The following FBLN1 variants were observed in gnomAD, a reference collection of about 807,000 sequenced individuals.
FBLN1 encodes the protein fibulin 1.
FBLN1 carries 34 observed loss-of-function variants against 89.7 expected under a neutral mutation model. The observed-to-expected ratio is 0.38, with a 90% CI of 0.29 to 0.50. FBLN1 has a LOEUF of 0.50. Among genes scored for constraint, FBLN1 ranks in the 20% least tolerant of loss-of-function variants. The pLI is 0.92. For synonymous variants in FBLN1, 393 were observed against 391.3 expected (o/e 1.00, Z -0.05); for missense variants, 777 against 988.1 (o/e 0.79, Z 2.86).
chr22:45,581,190 A>T lies in FBLN1; in HGVS notation c.1972+4082A>T, dbSNP rs5765491. The stretch of plus-strand genomic sequence containing the variant: ...GGGCTGTGTATCATCAGCGTGCGGA[A>T]GAGAGAGACAGAAAGGCAACTCGAG... On this transcript the variant is annotated intron_variant, in intron 16 of 16. Coordinates refer to ENST00000327858, the MANE Select transcript of FBLN1 (RefSeq NM_006486.3). This position sits in a 1 kb window ranked among gnomAD's most constrained non-coding sequence, Gnocchi z 7.6. Among the ~76,000 whole-genome samples, 102,699 of 151,942 alleles carry T rather than the reference A, an allele frequency of 0.68. 35,500 individuals carry two copies. The highest frequency in any genetic ancestry group is 0.8 in the African/African-American group (33,142 of 41,482).
At chr22:45,517,657 C>G (rs138989677) in intron 1 of FBLN1, 129 of 470,642 alleles carry the variant, frequency 2.7e-4, no homozygotes, top group African/African-American at 2.5e-3. Flanking sequence ...CCTCACCAGA[C>G]TTCTCACAGG....
chr22:45,558,148 C>T (rs954217355), intron 14 of FBLN1: 12 of 714,206 alleles, frequency 1.7e-5, no homozygotes, highest in South Asian at 4.5e-5. Flanking sequence ...GTGGAGACCA[C>T]GGGCATTTGA....
At chr22:45,518,173 T>G (rs146595940) in intron 1 of FBLN1, among the ~76,000 whole-genome samples, 388 of 152,088 alleles carry the variant, frequency 2.6e-3, no homozygotes, top group African/African-American at 9.0e-3. Context: ...TTTTCCTTCT[T>G]ACTTGACTCA....
In FBLN1 at chr22:45,575,674, C is replaced by T. The variant is rs1287893919; in HGVS notation, c.1840+1021C>T. On this transcript the variant is annotated intron_variant, in intron 15 of 16. Coordinates refer to ENST00000327858, the MANE Select transcript of FBLN1 (RefSeq NM_006486.3). This position sits in a 1 kb window ranked among gnomAD's most constrained non-coding sequence, Gnocchi z 6.3. Reference sequence around the variant, plus strand: ...GCCTGGCTCTCTAGGAAGCTCCTGGCATGCAGTGTAGTCATGTTGTGTAAC... The same window carrying T: ...GCCTGGCTCTCTAGGAAGCTCCTGGTATGCAGTGTAGTCATGTTGTGTAAC... 6.6e-6 allele frequency among the ~76,000 whole-genome samples: 1 copy of T among 152,164 alleles called. No individual in the cohort carries two copies. The highest frequency in any genetic ancestry group is 2.4e-5 in the African/African-American group (1 of 41,432).
At chr22:45,599,041 C>T (rs1004996129) in intron 16 of FBLN1, among the ~76,000 whole-genome samples, 2 of 152,186 alleles carry the variant, frequency 1.3e-5, no homozygotes, top group African/African-American at 4.8e-5. Flanking sequence ...ATGGAGATGG[C>T]GGGCCCAGGC....
Position 45,543,461 on chromosome 22 carries a change from T to C in FBLN1, c.1256T>C (p.Leu419Pro), listed in dbSNP as rs1193225656. ...TGTGGCCACAAGTGCGAGAACACGC[T>C]GGGCTCCTACCTCTGCAGCTGTTCC... ...RLCGHKCENT[L>P]GSYLCSCSVG... Residue 419 changes from leucine (L) to proline (P), a missense_variant, in exon 11 of 17, where the codon CTG (leucine) becomes CCG (proline). Transcript: ENST00000327858. 2 of 1,613,874 alleles carry C rather than the reference T, an allele frequency of 1.2e-6. No individual in the cohort carries two copies. The highest frequency in any genetic ancestry group is 2.7e-5 in the African/African-American group (2 of 75,024).
intron 4 of FBLN1, among the ~76,000 whole-genome samples, chr22:45,528,438 G>A (rs534844180): frequency 1.3e-5 from 2 of 152,042 alleles, no homozygotes; most frequent in South Asian, 2.1e-4. Context: ...TCCGCCTCCC[G>A]GGTTCAAGTG....
rs1378790775 is a variant in FBLN1 at position 45,535,195 on chromosome 22, A to G, written c.785-5A>G. On this transcript the variant is annotated splice_region_variant and splice_polypyrimidine_tract_variant and intron_variant, in intron 7 of 16. Coordinates refer to ENST00000327858, the MANE Select transcript of FBLN1 (RefSeq NM_006486.3). ...TAACAATTTCCTTTTTTTATGATGT[A>G]CCAGATATTGACGAGTGTGAGAGTG... 1 of 1,614,120 alleles carries G rather than the reference A, an allele frequency of 6.2e-7. No individual in the cohort carries two copies. The highest frequency in any genetic ancestry group is 1.1e-5 in the South Asian group (1 of 91,074).
rs923422213 is a variant in FBLN1, at chr22:45,581,618, C to G, written c.1972+4510C>G. On this transcript the variant is annotated intron_variant, in intron 16 of 16. Transcript: ENST00000327858. The surrounding 1 kb of genome is among the most constrained non-coding windows in gnomAD (Gnocchi z 7.6). ...GTGGACCTCCTGACCCTTGGGCCTCCCGGGTTGCAGGGAGCTACGGAGTTG... is the reference window on the plus strand; with the variant it reads ...GTGGACCTCCTGACCCTTGGGCCTCGCGGGTTGCAGGGAGCTACGGAGTTG... Among the ~76,000 whole-genome samples the G allele has an allele frequency of 7.9e-5, 12 of 152,122 alleles. No homozygotes were observed. The highest frequency in any genetic ancestry group is 1.6e-4 in the Non-Finnish European group (11 of 68,024).
rs1190400849 is a variant in FBLN1, at chr22:45,575,786, T to C, written c.1840+1133T>C. Among the ~76,000 whole-genome samples, 1 of 152,204 alleles carries C rather than the reference T, an allele frequency of 6.6e-6. No individual in the cohort carries two copies. The highest frequency in any genetic ancestry group is 2.4e-5 in the African/African-American group (1 of 41,444). On this transcript the variant is annotated intron_variant, in intron 15 of 16. Coordinates refer to ENST00000327858, the MANE Select transcript of FBLN1 (RefSeq NM_006486.3). The surrounding 1 kb of genome is among the most constrained non-coding windows in gnomAD (Gnocchi z 6.3). Reference sequence around the variant, plus strand: ...GAGGGCTATGGATGGAGCATTGTCCTGTTCACCTCGCTTCCTGGCTGTGCT... The same window carrying C: ...GAGGGCTATGGATGGAGCATTGTCCCGTTCACCTCGCTTCCTGGCTGTGCT...
At position 45,531,759 on chromosome 22, in the gene FBLN1, G is replaced by T. The variant is rs1371670853; in HGVS notation, c.544+435G>T. Among the ~76,000 whole-genome samples, 5 of 152,184 alleles carry T rather than the reference G, an allele frequency of 3.3e-5. No homozygotes were observed. The highest frequency in any genetic ancestry group is 5.9e-5 in the Non-Finnish European group (4 of 68,042). ...GGTGGGCTTACCAAGGAGGGGCCCT[G>T]GTGAGGCCCTGCTGGGGAGGGTGGC... On this transcript the variant is annotated intron_variant, in intron 5 of 16. Coordinates refer to ENST00000327858, the MANE Select transcript of FBLN1 (RefSeq NM_006486.3). The surrounding 1 kb of genome is among the most constrained non-coding windows in gnomAD (Gnocchi z 4.9).
rs74902829 is a variant in FBLN1, at chr22:45,588,912, T to C, written c.1973-11395T>C. Among the ~76,000 whole-genome samples the C allele has an allele frequency of 0.045, 6,889 of 151,610 alleles. 503 individuals carry two copies. The highest frequency in any genetic ancestry group is 0.16 in the African/African-American group (6,427 of 41,304). On this transcript the variant is annotated intron_variant, in intron 16 of 16. Coordinates refer to ENST00000327858, the MANE Select transcript of FBLN1 (RefSeq NM_006486.3). The surrounding 1 kb of genome is among the most constrained non-coding windows in gnomAD (Gnocchi z 5.1). Reference sequence around the variant, plus strand: ...AAGGATCTCAGTGCCCGCCATTACCTGGCCAGCACCGGGAGGATGTCAGGT... The same window carrying C: ...AAGGATCTCAGTGCCCGCCATTACCCGGCCAGCACCGGGAGGATGTCAGGT...
Position 45,531,378 on chromosome 22 carries a change from A to G in FBLN1, c.544+54A>G, listed in dbSNP as rs1237537997. 6.6e-7 allele frequency: 1 copy of G among 1,509,342 alleles called. No homozygotes were observed. The highest frequency in any genetic ancestry group is 2.3e-5 in the East Asian group (1 of 44,338). The allele number at this position is 1,509,342 out of a possible 1,614,324, so 93.5% of individuals were successfully genotyped here. A position where few individuals can be genotyped will look rare whatever the true frequency, so the allele number is the denominator to read the frequency against. ...GTATTTAAACAAACCCCAAGGGGCC[A>G]GCAAGGTGGCTCAGGCCTGTAATCC... On this transcript the variant is annotated intron_variant, in intron 5 of 16. Coordinates refer to ENST00000327858, the MANE Select transcript of FBLN1 (RefSeq NM_006486.3). The surrounding 1 kb of genome is among the most constrained non-coding windows in gnomAD (Gnocchi z 4.9).
intron 16 of FBLN1, among the ~76,000 whole-genome samples, chr22:45,599,553 G>T (rs1417905336): frequency 6.6e-6 from 1 of 152,136 alleles, no homozygotes; most frequent in Admixed American, 6.5e-5. Flanking sequence ...GGCACAGGGG[G>T]TTGGAAGGAG....
intron 14 of FBLN1, among the ~76,000 whole-genome samples, chr22:45,573,701 A>AAAAAT (rs2088970136): frequency 6.7e-6 from 1 of 149,078 alleles, no homozygotes; most frequent in Non-Finnish European, 1.5e-5. Context: ...AAAAAAAAAA[A>AAAAAT]CCCAAGTAGA....
chr22:45,521,261 C>G (rs1051788954), intron 2 of FBLN1, among the ~76,000 whole-genome samples: 1 of 152,184 alleles, frequency 6.6e-6, no homozygotes, highest in Non-Finnish European at 1.5e-5. Flanking sequence ...TCTTTAAGTG[C>G]GGGTGCAAGT....
chr22:45,524,000 C>A (rs933260979), intron 2 of FBLN1, among the ~76,000 whole-genome samples: 1 of 152,202 alleles, frequency 6.6e-6, no homozygotes, highest in Non-Finnish European at 1.5e-5. Flanking sequence ...GCTGGTGGCT[C>A]GCTCTGGCAG....
Position 45,576,910 on chromosome 22 carries a change from G to A in FBLN1, c.1841-67G>A, listed in dbSNP as rs1459530261. 2 of 1,601,086 alleles carry A rather than the reference G, an allele frequency of 1.2e-6. No individual in the cohort carries two copies. Among genetic ancestry groups the A allele is most frequent in the African/African-American group, 2.7e-5 (2 of 74,760 alleles). On this transcript the variant is annotated intron_variant, in intron 15 of 16. Transcript: ENST00000327858. This position sits in a 1 kb window ranked among gnomAD's most constrained non-coding sequence, Gnocchi z 5.2. ...TCATTCCCCAAGGGTGAGTTCCTGGGGACGAGGCTGGGACTGGGGCTGGGG... is the reference window on the plus strand; with the variant it reads ...TCATTCCCCAAGGGTGAGTTCCTGGAGACGAGGCTGGGACTGGGGCTGGGG...
At chr22:45,585,927 C>G (rs2089081679) in intron 16 of FBLN1, among the ~76,000 whole-genome samples, 1 of 152,154 alleles carries the variant, frequency 6.6e-6, no homozygotes, top group South Asian at 2.1e-4. Context: ...GCCCCCAATT[C>G]CCCAGATACC....
Sources: gnomAD v4.1 joint callset for allele counts (sites outside exome capture counted in the v4.1 genomes callset) on GRCh38, gnomAD v4.1.1 for gene constraint, Gnocchi (gnomAD v3.1) non-coding constraint, MANE v1.5 for transcripts, NCBI Gene and HGNC (gene_info 2026-07-23, HGNC 2026-07-21) for gene names.